The following UST variants were observed in gnomAD, a reference collection of about 807,000 sequenced individuals.
The protein encoded by UST is uronyl 2-sulfotransferase.
A neutral mutation model predicts 45.6 loss-of-function variants in UST; 21 were observed. That is an observed-to-expected ratio of 0.46 (90% CI 0.33 to 0.66). The LOEUF (loss-of-function observed/expected upper bound fraction) is 0.66. Among genes scored for constraint, UST ranks in the 30% least tolerant of loss-of-function variants. UST has a pLI of 0.02. For missense variants in UST, 463 were observed against 512.4 expected (o/e 0.90, Z 0.93); for synonymous variants, 215 against 200.6 (o/e 1.07, Z -0.61).
At chr6:148,929,401 G>A (rs545995567) in intron 2 of UST, among the ~76,000 whole-genome samples, 1 of 152,286 alleles carries the variant, frequency 6.6e-6, no homozygotes, top group South Asian at 2.1e-4. Flanking sequence ...CTTCTAGGTA[G>A]GATTTTCAGA....
intron 1 of UST, among the ~76,000 whole-genome samples, chr6:148,757,916 G>T (rs1776127381): frequency 6.6e-6 from 1 of 152,230 alleles, no homozygotes; most frequent in East Asian, 1.9e-4. Flanking sequence ...AGCTGGGACA[G>T]CTTGAATAAT....
intron 1 of UST, among the ~76,000 whole-genome samples, chr6:148,783,910 A>G (rs1443513296): frequency 1.3e-5 from 2 of 152,136 alleles, no homozygotes; most frequent in African/African-American, 4.8e-5. Flanking sequence ...GGTGAAGATG[A>G]TGAGCTACAA....
intron 1 of UST, among the ~76,000 whole-genome samples, chr6:148,766,835 G>C (rs1001656775): frequency 6.6e-6 from 1 of 152,206 alleles, no homozygotes; most frequent in African/African-American, 2.4e-5. Flanking sequence ...AACCACTGTA[G>C]CAGATACAGG....
In UST at chr6:149,076,889, T is replaced by G. The variant is rs202102461; in HGVS notation, c.*2773T>G. On this transcript the variant is annotated 3_prime_UTR_variant, in exon 8 of 8. Transcript: ENST00000367463. ...GTGCTTGTAAATCTTTTTTTTTTTT[T>G]AAGAAGAAAGAAAAAAATGGTGTTT... 1 of 152,184 alleles carries G rather than the reference T, an allele frequency of 6.6e-6. No individual in the cohort carries two copies. The highest frequency in any genetic ancestry group is 2.4e-5 in the African/African-American group (1 of 41,330). 9.4% of individuals were successfully genotyped at this position (152,184 alleles called of 1,614,324 possible).
intron 5 of UST, among the ~76,000 whole-genome samples, chr6:148,988,730 A>T (rs979752156): frequency 1.3e-5 from 2 of 152,136 alleles, no homozygotes; most frequent in African/African-American, 2.4e-5. Flanking sequence ...AACATGTAAT[A>T]CTGTCCCACC....
At chr6:148,956,600 T>C (rs1780513406) in intron 4 of UST, among the ~76,000 whole-genome samples, 1 of 152,190 alleles carries the variant, frequency 6.6e-6, no homozygotes. Context: ...CTGTATACAT[T>C]CAGAGTGGCA....
intron 1 of UST, among the ~76,000 whole-genome samples, chr6:148,759,288 G>T (rs1399269833): frequency 6.6e-6 from 1 of 152,136 alleles, no homozygotes; most frequent in Non-Finnish European, 1.5e-5. Flanking sequence ...CACTTTGGGA[G>T]GCCGAGGTGG....
At chr6:148,781,567 A>C (rs1211698422) in intron 1 of UST, among the ~76,000 whole-genome samples, 1 of 152,102 alleles carries the variant, frequency 6.6e-6, no homozygotes. Context: ...CATCTAGGAG[A>C]TCTAGCTAGG....
intron 1 of UST, among the ~76,000 whole-genome samples, chr6:148,812,280 C>T (rs1237042446): frequency 6.6e-6 from 1 of 152,060 alleles, no homozygotes; most frequent in East Asian, 1.9e-4. Flanking sequence ...GTAATTTTAA[C>T]AATATCCATG....
At chr6:148,852,482 T>A (rs1214433740) in intron 1 of UST, among the ~76,000 whole-genome samples, 1 of 152,208 alleles carries the variant, frequency 6.6e-6, no homozygotes. Context: ...ATTTTCAATC[T>A]GGAGATTTTA....
chr6:148,892,844 C>G (rs953365973), intron 2 of UST, among the ~76,000 whole-genome samples: 2 of 152,002 alleles, frequency 1.3e-5, no homozygotes, highest in Non-Finnish European at 2.9e-5. Flanking sequence ...CAAACTGTTT[C>G]AAGATATAGG....
At chr6:148,776,798 G>C (rs1776542979) in intron 1 of UST, among the ~76,000 whole-genome samples, 1 of 152,138 alleles carries the variant, frequency 6.6e-6, no homozygotes, top group Non-Finnish European at 1.5e-5. Flanking sequence ...GTAAGACATT[G>C]TTTCTGGAAT....
chr6:149,024,787 A>G (rs1776026383), intron 7 of UST, among the ~76,000 whole-genome samples: 1 of 152,184 alleles, frequency 6.6e-6, no homozygotes, highest in African/African-American at 2.4e-5. Context: ...TGAGTAGATT[A>G]GAGAACAGAG....
chr6:148,768,727 A>G (rs936310656), intron 1 of UST, among the ~76,000 whole-genome samples: 6 of 152,266 alleles, frequency 3.9e-5, no homozygotes, highest in African/African-American at 1.4e-4. Flanking sequence ...TTAAAACATT[A>G]AAATGAATTG....
At chr6:148,969,836 C>G (rs1335401469) in intron 5 of UST, among the ~76,000 whole-genome samples, 1 of 152,208 alleles carries the variant, frequency 6.6e-6, no homozygotes, top group African/African-American at 2.4e-5. Flanking sequence ...AACTACTTCT[C>G]TTTGTGTTCC....
intron 1 of UST, among the ~76,000 whole-genome samples, chr6:148,881,197 A>C (rs1332266893): frequency 6.6e-6 from 1 of 152,170 alleles, no homozygotes; most frequent in Non-Finnish European, 1.5e-5. Flanking sequence ...TCCTCCGCTT[A>C]CCTGAGGGGC....
In UST at chr6:148,748,826, G is replaced by C. The variant is rs1046503874; in HGVS notation, c.247+1149G>C. On this transcript the variant is annotated intron_variant, in intron 1 of 7. Transcript: ENST00000367463. This position sits in a 1 kb window ranked among gnomAD's most constrained non-coding sequence, Gnocchi z 5.3. ...GGAAAGAAAATGGGCCAAATGACCCGGGCCAGCTGGAGGCTGCCACAGTTA... is the reference window on the plus strand; with the variant it reads ...GGAAAGAAAATGGGCCAAATGACCCCGGCCAGCTGGAGGCTGCCACAGTTA... Among the ~76,000 whole-genome samples, 2 of 152,002 alleles carry C rather than the reference G, an allele frequency of 1.3e-5. No homozygotes were observed. The highest frequency in any genetic ancestry group is 3.9e-4 in the East Asian group (2 of 5,180).
chr6:149,015,842 G>T (rs1049078392), intron 5 of UST, among the ~76,000 whole-genome samples: 1 of 152,174 alleles, frequency 6.6e-6, no homozygotes, highest in Non-Finnish European at 1.5e-5. Context: ...GTCAGAACAG[G>T]CCACTGTAAG....
chr6:148,750,524 A>C (rs910894431), intron 1 of UST, among the ~76,000 whole-genome samples: 5 of 152,186 alleles, frequency 3.3e-5, no homozygotes, highest in African/African-American at 1.2e-4. Context: ...ATAGCAAGCG[A>C]GGCAGGACTT....
Sources: gnomAD v4.1 joint callset for allele counts (sites outside exome capture counted in the v4.1 genomes callset) on GRCh38, gnomAD v4.1.1 for gene constraint, Gnocchi (gnomAD v3.1) non-coding constraint, MANE v1.5 for transcripts, NCBI Gene and HGNC (gene_info 2026-07-23, HGNC 2026-07-21) for gene names.